The following PDE4D variants were observed in gnomAD, a reference collection of about 807,000 sequenced individuals.
The protein encoded by PDE4D is phosphodiesterase 4D, also known as 3',5'-cyclic-AMP phosphodiesterase 4D.
A neutral mutation model predicts 87.4 loss-of-function variants in PDE4D; 24 were observed. That is an observed-to-expected ratio of 0.27 (90% CI 0.20 to 0.39). The LOEUF (loss-of-function observed/expected upper bound fraction) is 0.39. Among genes scored for constraint, PDE4D ranks in the 10% least tolerant of loss-of-function variants. PDE4D has a pLI of 1.00. For synonymous variants in PDE4D, 384 were observed against 383.2 expected (o/e 1.00, Z -0.02); for missense variants, 714 against 1,041.0 (o/e 0.69, Z 4.32).
At chr5:59,836,186 C>T (rs997933114) in intron 1 of PDE4D, among the ~76,000 whole-genome samples, 1 of 152,006 alleles carries the variant, frequency 6.6e-6, no homozygotes, top group African/African-American at 2.4e-5. Context: ...TCACCATCTT[C>T]ACCATCAGTA....
chr5:59,274,629 T>C lies in PDE4D; in HGVS notation c.456-58661A>G, dbSNP rs534778144. ...CATAAAAGTATTTTGTAAATACCTA[T>C]TGTAGAAAAAAAAGTTACTTTGTTG... On this transcript the variant is annotated intron_variant, in intron 1 of 14. Transcript: ENST00000340635. Among the ~76,000 whole-genome samples, 6 of 152,228 alleles carry C rather than the reference T, an allele frequency of 3.9e-5. No individual in the cohort carries two copies. In the South Asian group the frequency reaches 6.2e-4, roughly 16 times the overall value.
In PDE4D at chr5:59,198,366, T is replaced by C. The variant is rs182225464; in HGVS notation, c.648-4830A>G. Among the ~76,000 whole-genome samples the C allele has an allele frequency of 5.2e-4, 79 of 152,316 alleles. 1 individual carries two copies. The highest frequency in any genetic ancestry group is 5.0e-3 in the Admixed American group (77 of 15,296). On this transcript the variant is annotated intron_variant, in intron 2 of 14. Transcript: ENST00000340635. ...ATGTATGTATGTATGCACATATGTA[T>C]GTATGTGAGAGATGAGATTGGTACC...
chr5:59,718,572 A>G (rs982373476), intron 1 of PDE4D, among the ~76,000 whole-genome samples: 1 of 152,114 alleles, frequency 6.6e-6, no homozygotes, highest in Non-Finnish European at 1.5e-5. Flanking sequence ...TATCAGCACA[A>G]TTTTCTTTCT....
At chr5:59,129,551 A>G (rs1258163413) in intron 5 of PDE4D, among the ~76,000 whole-genome samples, 2 of 152,190 alleles carry the variant, frequency 1.3e-5, no homozygotes, top group Non-Finnish European at 2.9e-5. Flanking sequence ...ATTGCTTGCT[A>G]ATATATTTTA....
intron 2 of PDE4D, among the ~76,000 whole-genome samples, chr5:59,991,301 T>C (rs1037324685): frequency 6.6e-6 from 1 of 152,048 alleles, no homozygotes; most frequent in African/African-American, 2.4e-5. Flanking sequence ...TGATTTTTTG[T>C]CTGCAGAGAC....
chr5:60,451,558 G>T (rs969432760), intron 1 of PDE4D, among the ~76,000 whole-genome samples: 2 of 152,036 alleles, frequency 1.3e-5, no homozygotes, highest in Admixed American at 6.6e-5. Context: ...CATAATAGAT[G>T]TCTTTATTTT....
At chr5:59,202,193 C>T (rs1747629642) in intron 2 of PDE4D, among the ~76,000 whole-genome samples, 1 of 151,770 alleles carries the variant, frequency 6.6e-6, no homozygotes, top group South Asian at 2.1e-4. Flanking sequence ...GCGCCTGCCA[C>T]CATGCCCAGC....
chr5:60,498,024 A>G (rs1362249908), intron 1 of PDE4D, among the ~76,000 whole-genome samples: 1 of 152,208 alleles, frequency 6.6e-6, no homozygotes, highest in Non-Finnish European at 1.5e-5. Flanking sequence ...TCTGACTATC[A>G]GCAGTTGTTT....
intron 5 of PDE4D, chr5:59,039,184 C>G: frequency 7.5e-7 from 1 of 1,333,154 alleles, no homozygotes; most frequent in Non-Finnish European, 9.6e-7. Context: ...CACGGTCTCT[C>G]CAGCTTGGCG....
intron 3 of PDE4D, among the ~76,000 whole-genome samples, chr5:59,915,289 T>C (rs1173327062): frequency 6.6e-6 from 1 of 151,932 alleles, no homozygotes; most frequent in Non-Finnish European, 1.5e-5. Flanking sequence ...ATTGGACAAA[T>C]TAGAAGGAAT....
chr5:59,720,866 T>C (rs1265073828), intron 1 of PDE4D, among the ~76,000 whole-genome samples: 2 of 152,152 alleles, frequency 1.3e-5, no homozygotes, highest in Non-Finnish European at 1.5e-5. Flanking sequence ...GGCCTTAGTA[T>C]GTTTAGACTT....
At chr5:59,091,132 T>C (rs1173323961) in intron 5 of PDE4D, 1 of 453,596 alleles carries the variant, frequency 2.2e-6, no homozygotes. Context: ...AGCCCTGTCA[T>C]TTGAAAAAAA....
intron 1 of PDE4D, among the ~76,000 whole-genome samples, chr5:59,856,720 C>A (rs1357862318): frequency 6.6e-6 from 1 of 152,164 alleles, no homozygotes; most frequent in Non-Finnish European, 1.5e-5. Context: ...AATGCAGAAG[C>A]AGACATCTCT....
chr5:60,328,878 T>G (rs1403393802), intron 1 of PDE4D, among the ~76,000 whole-genome samples: 3 of 152,252 alleles, frequency 2.0e-5, no homozygotes, highest in Non-Finnish European at 4.4e-5. Context: ...ATCTCACATG[T>G]GAAAGTTGCT....
intron 1 of PDE4D, chr5:60,448,490 G>T (rs1284230378): frequency 6.6e-6 from 1 of 152,142 alleles, no homozygotes; most frequent in Non-Finnish European, 1.5e-5. Context: ...CACACCAGCA[G>T]GAGGTTTAGA....
In PDE4D at chr5:60,368,274, T is replaced by C. The variant is rs373338926; in HGVS notation, c.-90+119668A>G. 3.7e-4 allele frequency among the ~76,000 whole-genome samples: 56 copies of C among 152,322 alleles called. 1 individual carries two copies. Among genetic ancestry groups the C allele is most frequent in the African/African-American group, 1.3e-3 (55 of 41,570 alleles). On this transcript the variant is annotated intron_variant, in intron 1 of 16. Coordinates refer to the PDE4D transcript ENST00000502484. ...GCTTCACATTCCTCAGCAACAATGT[T>C]AGAAAGGCATTGCAGTTGTCTAGGA... is the stretch of plus-strand genomic sequence containing the variant.
At chr5:59,533,279 CAATTT>C (rs1814557715) in intron 1 of PDE4D, among the ~76,000 whole-genome samples, 1 of 152,120 alleles carries the variant, frequency 6.6e-6, no homozygotes, top group Non-Finnish European at 1.5e-5. Context: ...AAACATTTGT[CAATTT>C]TATTAAATTT....
intron 3 of PDE4D, among the ~76,000 whole-genome samples, chr5:59,980,048 T>C (rs1347088254): frequency 6.6e-6 from 1 of 152,220 alleles, no homozygotes; most frequent in East Asian, 1.9e-4. Context: ...TCATGTTAAG[T>C]TTGAATCAGT....
intron 1 of PDE4D, among the ~76,000 whole-genome samples, chr5:60,423,302 C>T (rs750231290): frequency 6.6e-6 from 1 of 152,154 alleles, no homozygotes; most frequent in Non-Finnish European, 1.5e-5. Context: ...AAGTAAAGCA[C>T]TACTCAGCAA....
Sources: allele counts gnomAD v4.1 joint callset (sites outside exome capture counted in the v4.1 genomes callset), GRCh38; gene constraint gnomAD v4.1.1; transcripts MANE v1.5; gene names NCBI Gene and HGNC (gene_info 2026-07-23, HGNC 2026-07-21).